Variants in CDH26 observed in about 807,000 individuals in gnomAD.
The protein encoded by CDH26 is cadherin-like protein 26.
CDH26 carries 83 observed loss-of-function variants against 90.3 expected under a neutral mutation model. That is an observed-to-expected ratio of 0.92 (90% CI 0.77 to 1.10). The LOEUF is 1.10. Among genes scored for constraint, CDH26 ranks in the 50% least tolerant of loss-of-function variants. The pLI is 0.00. For missense variants in CDH26, 1,013 were observed against 1,037.6 expected (o/e 0.98, Z 0.33); for synonymous variants, 397 against 396.3 (o/e 1.00, Z -0.02).
At position 59,997,319 on chromosome 20, in the gene CDH26, T is replaced by C. The variant is rs139157211; in HGVS notation, c.2019+558T>C. Among the ~76,000 whole-genome samples the C allele has an allele frequency of 5.1e-3, 774 of 152,390 alleles. 6 individuals carry two copies. The highest frequency in any genetic ancestry group is 0.018 in the African/African-American group (741 of 41,596). Reference sequence around the variant, plus strand: ...GTCCGGCAAAGGCCAACCAGAAAGCTCACTGCCCTTGGAGGTACAAGGCCT... The same window carrying C: ...GTCCGGCAAAGGCCAACCAGAAAGCCCACTGCCCTTGGAGGTACAAGGCCT... On this transcript the variant is annotated intron_variant, in intron 13 of 17. Transcript: ENST00000348616.
chr20:60,004,247 A>G (rs1025472244), intron 16 of CDH26, among the ~76,000 whole-genome samples: 1 of 152,200 alleles, frequency 6.6e-6, no homozygotes. Flanking sequence ...GTGTATATGT[A>G]CAGTCATGTC....
At chr20:60,028,660 G>T (rs996412444) in intron 7 of CDH26, among the ~76,000 whole-genome samples, 1 of 152,222 alleles carries the variant, frequency 6.6e-6, no homozygotes, top group African/African-American at 2.4e-5. Context: ...CCTGGCCTGT[G>T]AGGATAGCGT....
At chr20:59,986,421 T>G (rs1169833336) in intron 7 of CDH26, among the ~76,000 whole-genome samples, 1 of 152,200 alleles carries the variant, frequency 6.6e-6, no homozygotes, top group African/African-American at 2.4e-5. Flanking sequence ...ATTTCCAATA[T>G]TTTATTTTTT....
downstream of CDH26, among the ~76,000 whole-genome samples, chr20:60,035,893 T>C (rs1437898498): frequency 1.3e-5 from 2 of 152,028 alleles, no homozygotes; most frequent in African/African-American, 2.4e-5. Context: ...TCCCCAGCCC[T>C]ACAGACTGTG....
intron 7 of CDH26, among the ~76,000 whole-genome samples, chr20:60,019,811 G>T (rs992756128): frequency 5.3e-5 from 8 of 152,070 alleles, no homozygotes; most frequent in Non-Finnish European, 1.5e-5. Flanking sequence ...ATACATATCT[G>T]GTGAAACAGT....
At chr20:60,002,960 A>G in intron 16 of CDH26, 94 bp downstream of exon 16, 1 of 898,556 alleles carries the variant, frequency 1.1e-6, no homozygotes, top group Non-Finnish European at 1.6e-6. Flanking sequence ...ATTTGGAAGG[A>G]AAGAGGTGAT....
At chr20:60,003,035 G>A (rs1019724576) in intron 16 of CDH26, among the ~76,000 whole-genome samples, 169 bp downstream of exon 16, 2 of 152,204 alleles carry the variant, frequency 1.3e-5, no homozygotes, top group African/African-American at 2.4e-5. Context: ...GAGGTTGGAA[G>A]TAGTTAAGGC....
rs2061545198 is a variant in CDH26, at chr20:59,992,898, G to A, written c.1426+378G>A. Among the ~76,000 whole-genome samples, 1 of 152,166 alleles carries A rather than the reference G, an allele frequency of 6.6e-6. No homozygotes were observed. ...CATACGAGCTCAGATAAATGGGACT[G>A]TAAGGGACACATTTGTCATAAACCA... On this transcript the variant is annotated intron_variant, in intron 10 of 17. Coordinates refer to ENST00000348616, the MANE Select transcript of CDH26 (RefSeq NM_177980.4). This position sits in a 1 kb window ranked among gnomAD's most constrained non-coding sequence, Gnocchi z 5.0.
At chr20:59,970,022 A>C in intron 2 of CDH26, 60 bp from the exon 3 acceptor site, 4 of 1,577,628 alleles carry the variant, frequency 2.5e-6, no homozygotes, top group Non-Finnish European at 3.4e-6. Context: ...GGGTGTGATA[A>C]ATCCTGGCTG....
intron 7 of CDH26, among the ~76,000 whole-genome samples, chr20:60,028,058 C>A (rs2062012368): frequency 6.6e-6 from 1 of 152,124 alleles, no homozygotes. Context: ...TTCACCTGTG[C>A]TCTTCTGTGT....
chr20:60,033,879 C>T, exon 9 of CDH26: 2 of 640,088 alleles, frequency 3.1e-6, no homozygotes, highest in Non-Finnish European at 4.2e-6. Flanking sequence ...GATGGCAGTT[C>T]ACCATGTTTC....
intron 4 of CDH26, among the ~76,000 whole-genome samples, chr20:59,979,456 C>A (rs907544970): frequency 6.6e-6 from 1 of 152,058 alleles, no homozygotes; most frequent in Non-Finnish European, 1.5e-5. Flanking sequence ...CTGGGCCTAC[C>A]AAAGTGCTGG....
At chr20:59,961,322 C>A (rs1199947649) in intron 1 of CDH26, among the ~76,000 whole-genome samples, 1 of 152,092 alleles carries the variant, frequency 6.6e-6, no homozygotes, top group Non-Finnish European at 1.5e-5. Context: ...GGGAATGGGT[C>A]TGTGGATTGT....
Position 59,994,446 on chromosome 20 carries a change from C to T in CDH26, c.1623C>T (p.Thr541=), listed in dbSNP as rs144160729. The T allele has an allele frequency of 6.7e-4, 1,083 of 1,614,014 alleles. 4 individuals are homozygous for T. Among genetic ancestry groups the T allele is most frequent in the Non-Finnish European group, 8.3e-4 (982 of 1,180,028 alleles). ...CATTTACATTTGAATTGGACAATACCTGGGGAAATGCGGAGGACACATGGA... is the reference window on the plus strand; with the variant it reads ...CATTTACATTTGAATTGGACAATACTTGGGGAAATGCGGAGGACACATGGA... ...SDPFTFELDN[T]WGNAEDTWKL... Residue 541 remains threonine, a synonymous_variant, in exon 11 of 18, where the codon ACC becomes ACT. Transcript: ENST00000348616.
rs1295572684 is a variant in CDH26 at position 60,021,897 on chromosome 20, C to CACACACATATAT, written c.948-9333_948-9332insCACACATATATA. 1.8e-4 allele frequency among the ~76,000 whole-genome samples: 14 copies of CACACACATATAT among 79,002 alleles called. 1 individual carries two copies. In the South Asian group the frequency reaches 2.6e-3, roughly 15 times the overall value. The allele number at this position is 79,002 out of a possible 152,430, so 51.8% of individuals were successfully genotyped here. ...ACACACACACACACACACACACACA[C>CACACACATATAT]ATATATATATATATATATATCCTGA... On this transcript the variant is annotated intron_variant, in intron 7 of 8. Coordinates refer to the CDH26 transcript ENST00000370991.
At chr20:60,021,127 G>A (rs74473488) in intron 7 of CDH26, among the ~76,000 whole-genome samples, 2,453 of 152,234 alleles carry the variant, frequency 0.016, 33 homozygotes, top group Middle Eastern at 0.054. Flanking sequence ...TTCTTTCTTC[G>A]TGGGGGTCTG....
intron 4 of CDH26, among the ~76,000 whole-genome samples, chr20:59,981,590 GC>G (rs1569034845): frequency 6.6e-6 from 1 of 152,074 alleles, no homozygotes; most frequent in East Asian, 1.9e-4. Context: ...AGTTGAATCA[GC>G]CTAAAATTCT....
At chr20:59,967,957 A>T (rs67760444) in intron 1 of CDH26, among the ~76,000 whole-genome samples, 1,748 of 59,288 alleles carry the variant, frequency 0.029, 84 homozygotes, top group African/African-American at 0.08. Context: ...CTTTCTTTCT[A>T]TCTTTCTTTC....
chr20:59,969,002 T>G lies in CDH26; in HGVS notation c.105T>G (p.Asp35Glu). 1.9e-6 allele frequency: 3 copies of G among 1,593,058 alleles called. No individual in the cohort carries two copies. The South Asian group carries it at 3.3e-5, about 18-fold the overall frequency. The change falls in exon 2 of 18, where the codon GAT (aspartate) becomes GAG (glutamate). Residue 35 changes from aspartate (D) to glutamate (E), a missense_variant. Physicochemically the swap from Asp to Glu is conservative, Grantham distance 45. Coordinates refer to ENST00000348616, the MANE Select transcript of CDH26 (RefSeq NM_177980.4). ...SIIDSVQQET[D>E]DLTKQTKEKI... ...TTGACAGTGTTCAACAGGAAACAGA[T>G]GATCTTACTAAGCAAACAAAGGTGA...
Sources: allele counts gnomAD v4.1 joint callset (sites outside exome capture counted in the v4.1 genomes callset), GRCh38; gene constraint gnomAD v4.1.1; non-coding constraint Gnocchi (gnomAD v3.1); transcripts MANE v1.5; gene names NCBI Gene and HGNC (gene_info 2026-07-23, HGNC 2026-07-21).